ADGRV1: variants seen among roughly 807,000 people sequenced by gnomAD.
ADGRV1 encodes the protein G-protein coupled receptor 98.
ADGRV1 carries 359 observed loss-of-function variants against 596.2 expected under a neutral mutation model. The observed-to-expected ratio is 0.60, with a 90% CI of 0.55 to 0.66. ADGRV1 has a LOEUF of 0.66. Ranked by LOEUF, ADGRV1 falls within the 30% of genes least tolerant of loss-of-function variation. The pLI is 0.00. For synonymous variants in ADGRV1, 2,681 were observed against 2,679.2 expected (o/e 1.00, Z -0.02); for missense variants, 7,274 against 7,575.6 (o/e 0.96, Z 1.48).
At chr5:90,776,323 T>C in intron 60 of ADGRV1, 130 bp from the exon 61 acceptor site, 1 of 864,824 alleles carries the variant, frequency 1.2e-6, no homozygotes, top group Non-Finnish European at 1.9e-6. Context: ...AGGATATTAA[T>C]ACCTTACTGA....
intron 59 of ADGRV1, among the ~76,000 whole-genome samples, chr5:90,764,378 C>T (rs923945995): frequency 6.6e-6 from 1 of 152,174 alleles, no homozygotes; most frequent in South Asian, 2.1e-4. Flanking sequence ...TTCCTGTAAG[C>T]CCAAGTGGCA....
In ADGRV1 at chr5:90,629,415, A is replaced by G; in HGVS notation, c.1715A>G (p.Glu572Gly). The G allele has an allele frequency of 6.2e-7, 1 of 1,613,748 alleles. No homozygotes were observed. Among genetic ancestry groups the G allele is most frequent in the Admixed American group, 1.7e-5 (1 of 59,992 alleles). Residue 572 changes from glutamate to glycine, a missense_variant, in exon 9 of 90, where the codon GAA (glutamate) becomes GGA (glycine). By Grantham distance (98) the Glu-to-Gly change is moderately conservative (BLOSUM62 -2). Transcript: ENST00000405460. ...AGAVDPLQAKEGILNISRRND... is the reference protein window; with the variant it reads ...AGAVDPLQAKGGILNISRRND... ...GCTGTGGACCCCTTGCAAGCAAAAG[A>G]AGGCATCTTAAATATATCAAGGAGA... is the stretch of plus-strand genomic sequence containing the variant.
chr5:91,106,039 A>G (rs1468741687), intron 87 of ADGRV1, among the ~76,000 whole-genome samples: 1 of 151,908 alleles, frequency 6.6e-6, no homozygotes, highest in Non-Finnish European at 1.5e-5. Flanking sequence ...ATCTATTTAT[A>G]AAATTATAAA....
At chr5:91,027,144 A>AACACAT (rs1554199814) in intron 85 of ADGRV1, among the ~76,000 whole-genome samples, 30 of 129,128 alleles carry the variant, frequency 2.3e-4, no homozygotes, top group Non-Finnish European at 3.6e-4. Flanking sequence ...ACAGTCTCAA[A>AACACAT]ACACACACAC....
chr5:90,578,540 C>T lies in ADGRV1; in HGVS notation c.22+19623C>T, dbSNP rs548758596. Among the ~76,000 whole-genome samples the T allele has an allele frequency of 1.5e-3, 221 of 151,828 alleles. 1 individual carries two copies. Among genetic ancestry groups the T allele is most frequent in the Non-Finnish European group, 2.8e-3 (188 of 68,022 alleles). On this transcript the variant is annotated intron_variant, in intron 1 of 89. Transcript: ENST00000405460. ...AGTATTTTACTGAGGATTTTTGCAT[C>T]GATGTTCATCAGGGATATTGGTCTA...
At chr5:90,948,554 C>T (rs1481937089) in intron 83 of ADGRV1, among the ~76,000 whole-genome samples, 1 of 151,926 alleles carries the variant, frequency 6.6e-6, no homozygotes, top group Non-Finnish European at 1.5e-5. Flanking sequence ...AGGTAAATAC[C>T]CAAGAGAAAT....
At chr5:91,050,849 AC>A in intron 85 of ADGRV1, among the ~76,000 whole-genome samples, 1 of 152,270 alleles carries the variant, frequency 6.6e-6, no homozygotes, top group Admixed American at 6.5e-5. Context: ...ATGGAGTGAG[AC>A]CCTGTCTTGA....
At chr5:90,775,237 A>G (rs1354192910) in intron 60 of ADGRV1, among the ~76,000 whole-genome samples, 1 of 152,198 alleles carries the variant, frequency 6.6e-6, no homozygotes, top group Non-Finnish European at 1.5e-5. Flanking sequence ...AATTTTTAGA[A>G]TTGTAGAGTA....
chr5:90,978,401 T>C (rs919707523), intron 84 of ADGRV1, among the ~76,000 whole-genome samples: 1 of 152,166 alleles, frequency 6.6e-6, no homozygotes, highest in Non-Finnish European at 1.5e-5. Context: ...TGTCCTTCAT[T>C]GGGAGTTCAG....
At chr5:90,953,018 G>A (rs1461675331) in intron 83 of ADGRV1, among the ~76,000 whole-genome samples, 1 of 152,102 alleles carries the variant, frequency 6.6e-6, no homozygotes, top group South Asian at 2.1e-4. Flanking sequence ...CACCAGTGAG[G>A]TTCATTGGTT....
At chr5:91,014,450 G>T (rs1052978554) in intron 85 of ADGRV1, among the ~76,000 whole-genome samples, 1 of 152,054 alleles carries the variant, frequency 6.6e-6, no homozygotes, top group Non-Finnish European at 1.5e-5. Context: ...AATAGAAATA[G>T]TACCAGCTCT....
At chr5:90,759,980 A>C (rs1043282332) in intron 58 of ADGRV1, 10 of 144,564 alleles carry the variant, frequency 6.9e-5, no homozygotes, top group African/African-American at 3.0e-4. Flanking sequence ...AAAAAAAAAA[A>C]AAAAAAAAAA....
At chr5:90,960,105 C>G (rs1456373928) in intron 83 of ADGRV1, among the ~76,000 whole-genome samples, 1 of 148,922 alleles carries the variant, frequency 6.7e-6, no homozygotes, top group Non-Finnish European at 1.5e-5. Context: ...CGCCACTGCA[C>G]TCCAGCCTGG....
At chr5:90,923,366 G>C (rs911110791) in intron 83 of ADGRV1, among the ~76,000 whole-genome samples, 1 of 151,874 alleles carries the variant, frequency 6.6e-6, no homozygotes, top group Non-Finnish European at 1.5e-5. Flanking sequence ...ACACAATTTA[G>C]AAATTTTCTT....
At chr5:90,956,567 A>G (rs1777499144) in intron 83 of ADGRV1, among the ~76,000 whole-genome samples, 1 of 152,286 alleles carries the variant, frequency 6.6e-6, no homozygotes, top group Admixed American at 6.5e-5. Flanking sequence ...ATCCAAATCT[A>G]CGTGTAAAAT....
At chr5:90,693,855 T>C in intron 32 of ADGRV1, 35 bp from the exon 33 acceptor site, 5 of 1,462,638 alleles carry the variant, frequency 3.4e-6, no homozygotes, top group Non-Finnish European at 4.6e-6. Flanking sequence ...CTTTGAGTGC[T>C]TAACCTGTCT....
Position 91,102,310 on chromosome 5 carries a change from G to T in ADGRV1, c.18402G>T (p.Leu6134Phe), listed in dbSNP as rs886042204. Reference protein sequence around the residue: ...LHMAYRHFWMLVLFVIFNSLQ... With the variant: ...LHMAYRHFWMFVLFVIFNSLQ... ...TGGCCTACAGACACTTCTGGATGTT[G>T]GTTCTCTTTGTCATTTTCAACAGTC... The change falls in exon 87 of 90, where the codon TTG becomes TTT. Residue 6134 changes from leucine (L) to phenylalanine (F), a missense_variant. This residue lies in a region of ADGRV1 where 1,874 missense variants were observed against 1,970.2 expected (regional missense o/e 0.95). Coordinates refer to ENST00000405460, the MANE Select transcript of ADGRV1 (RefSeq NM_032119.4). 2 of 1,603,528 alleles carry T rather than the reference G, an allele frequency of 1.2e-6. No individual in the cohort carries two copies. Among genetic ancestry groups the T allele is most frequent in the African/African-American group, 2.7e-5 (2 of 74,590 alleles).
intron 29 of ADGRV1, among the ~76,000 whole-genome samples, chr5:90,687,912 G>C (rs1216292532): frequency 6.6e-6 from 1 of 152,114 alleles, no homozygotes; most frequent in Non-Finnish European, 1.5e-5. Flanking sequence ...ATACAAACAA[G>C]TGGAAGAACA....
At chr5:90,767,060 G>A (rs1394752090) in intron 59 of ADGRV1, among the ~76,000 whole-genome samples, 2 of 152,186 alleles carry the variant, frequency 1.3e-5, no homozygotes, top group Non-Finnish European at 2.9e-5. Context: ...TGGGGAGGTG[G>A]AAGAGACAAT....
Sources: allele counts gnomAD v4.1 joint callset (sites outside exome capture counted in the v4.1 genomes callset), GRCh38; gene constraint gnomAD v4.1.1; regional missense constraint gnomAD v4.1.1; transcripts MANE v1.5; gene names NCBI Gene and HGNC (gene_info 2026-07-23, HGNC 2026-07-21).